NDUFAF6: variants seen among roughly 807,000 people sequenced by gnomAD.
NDUFAF6 encodes the protein NADH:ubiquinone oxidoreductase complex assembly factor 6.
A neutral mutation model predicts 40.8 loss-of-function variants in NDUFAF6; 45 were observed. The observed-to-expected ratio is 1.10, with a 90% CI of 0.87 to 1.42. The LOEUF is 1.42. Among genes scored for constraint, NDUFAF6 ranks in the 40% most tolerant of loss-of-function variants. The probability of loss-of-function intolerance (pLI) is 0.00; values close to 1 mark genes in which losing one functional copy is unlikely to be tolerated. For missense variants in NDUFAF6, 435 were observed against 418.5 expected (o/e 1.04, Z -0.34); for synonymous variants, 185 against 155.9 (o/e 1.19, Z -1.39).
chr8:95,009,200 TAA>T (rs530155825), intron 2 of NDUFAF6, among the ~76,000 whole-genome samples: 3 of 133,942 alleles, frequency 2.2e-5, no homozygotes, highest in African/African-American at 2.8e-5. Context: ...ACCCTATCTC[TAA>T]AAAAAAAAAA....
downstream of NDUFAF6, among the ~76,000 whole-genome samples, chr8:95,079,624 A>G (rs76206162): frequency 0.018 from 2,749 of 152,332 alleles, 82 homozygotes; most frequent in African/African-American, 0.063. Context: ...AAATTTATTG[A>G]CAACAATTAA....
intron 1 of NDUFAF6, among the ~76,000 whole-genome samples, chr8:94,973,855 T>TAA (rs754972680): frequency 7.2e-5 from 9 of 125,342 alleles, no homozygotes; most frequent in African/African-American, 1.2e-4. Context: ...CCCCTGTCTC[T>TAA]AAAAAAAAAA....
At chr8:95,111,780 T>G (rs1810005331) in intron 4 of NDUFAF6, among the ~76,000 whole-genome samples, 1 of 152,298 alleles carries the variant, frequency 6.6e-6, no homozygotes, top group South Asian at 2.1e-4. Context: ...GAGGATTAAC[T>G]GAGAAAGACC....
chr8:94,977,885 A>G (rs970044334), intron 1 of NDUFAF6, among the ~76,000 whole-genome samples: 2 of 152,130 alleles, frequency 1.3e-5, no homozygotes, highest in African/African-American at 4.8e-5. Context: ...CTGTGACATT[A>G]TGATATAATA....
At chr8:94,916,302 T>C (rs368783542) in intron 1 of NDUFAF6, among the ~76,000 whole-genome samples, 1 of 152,168 alleles carries the variant, frequency 6.6e-6, no homozygotes, top group Non-Finnish European at 1.5e-5. Context: ...CCTTGTCCCA[T>C]GGGATTAGTG....
At chr8:94,940,706 C>G (rs1008635321) in intron 1 of NDUFAF6, 1 of 675,126 alleles carries the variant, frequency 1.5e-6, no homozygotes, top group Non-Finnish European at 2.5e-6. Flanking sequence ...TTTTTAAAGA[C>G]AAACTCCTGC....
chr8:94,996,647 T>C (rs1340742936), intron 2 of NDUFAF6, among the ~76,000 whole-genome samples: 3 of 152,182 alleles, frequency 2.0e-5, no homozygotes, highest in Non-Finnish European at 4.4e-5. Context: ...TTGGGTTGAA[T>C]TGTGCCCCCA....
At chr8:95,094,646 C>T (rs1349434344) in intron 2 of NDUFAF6, among the ~76,000 whole-genome samples, 2 of 151,560 alleles carry the variant, frequency 1.3e-5, no homozygotes, top group African/African-American at 2.4e-5. Flanking sequence ...AACTCCTGAC[C>T]GCAGGTGATC....
intron 2 of NDUFAF6, among the ~76,000 whole-genome samples, chr8:94,981,754 C>T (rs1300286684): frequency 6.6e-6 from 1 of 152,094 alleles, no homozygotes; most frequent in African/African-American, 2.4e-5. Flanking sequence ...CATGAGAGAG[C>T]TGATATTCTG....
At chr8:95,017,040 C>G (rs764224855) in intron 2 of NDUFAF6, among the ~76,000 whole-genome samples, 88 of 147,406 alleles carry the variant, frequency 6.0e-4, no homozygotes, top group Non-Finnish European at 1.1e-3. Flanking sequence ...TCAAGTGATT[C>G]TGTTGCCTCA....
downstream of NDUFAF6, among the ~76,000 whole-genome samples, chr8:95,078,087 A>T (rs748649500): frequency 3.9e-5 from 6 of 152,150 alleles, no homozygotes; most frequent in Non-Finnish European, 7.3e-5. Flanking sequence ...AGAAGAGGCT[A>T]AACAGTGAGC....
At chr8:95,011,688 A>C (rs569314702) in intron 2 of NDUFAF6, among the ~76,000 whole-genome samples, 2 of 152,282 alleles carry the variant, frequency 1.3e-5, no homozygotes, top group South Asian at 4.1e-4. Context: ...ATAGAAGCTA[A>C]AGAGTTACTT....
chr8:94,919,781 C>A (rs1288264334), intron 1 of NDUFAF6, among the ~76,000 whole-genome samples: 1 of 152,170 alleles, frequency 6.6e-6, no homozygotes, highest in Non-Finnish European at 1.5e-5. Flanking sequence ...TCAATGCTGA[C>A]CTGAAAGTCA....
At chr8:95,051,384 A>C (rs999521175) in intron 7 of NDUFAF6, among the ~76,000 whole-genome samples, 1 of 152,226 alleles carries the variant, frequency 6.6e-6, no homozygotes, top group Admixed American at 6.5e-5. Flanking sequence ...GAGATTGAAG[A>C]GAAAAGATAG....
chr8:94,896,336 G>C (rs1817567896), intron 1 of NDUFAF6: 1 of 146,778 alleles, frequency 6.8e-6, no homozygotes, highest in African/African-American at 2.5e-5. Flanking sequence ...GGCGCCGTTC[G>C]CGCCCGAGCG....
intron 1 of NDUFAF6, among the ~76,000 whole-genome samples, chr8:94,945,116 C>G (rs1439899671): frequency 6.6e-6 from 1 of 152,156 alleles, no homozygotes; most frequent in Non-Finnish European, 1.5e-5. Flanking sequence ...TCCAGTTAAA[C>G]TTAAAAGCTG....
At chr8:94,973,666 C>T (rs969892561) in intron 1 of NDUFAF6, among the ~76,000 whole-genome samples, 3 of 149,794 alleles carry the variant, frequency 2.0e-5, no homozygotes, top group Non-Finnish European at 3.0e-5. Context: ...TAAGATCGCA[C>T]CACTGCACTC....
chr8:95,093,997 G>A (rs987324280), intron 2 of NDUFAF6, among the ~76,000 whole-genome samples: 4 of 151,968 alleles, frequency 2.6e-5, no homozygotes, highest in South Asian at 2.1e-4. Flanking sequence ...TTGAGACAGC[G>A]TCTCACTCTG....
At chr8:95,069,858 A>C (rs1202299712) in intron 9 of NDUFAF6, among the ~76,000 whole-genome samples, 2 of 148,524 alleles carry the variant, frequency 1.3e-5, no homozygotes, top group Non-Finnish European at 3.0e-5. Context: ...TTTTTTCCAA[A>C]GATCTTAATT....
Sources: gnomAD v4.1 joint callset for allele counts (sites outside exome capture counted in the v4.1 genomes callset) on GRCh38, gnomAD v4.1.1 for gene constraint, MANE v1.5 for transcripts, NCBI Gene and HGNC (gene_info 2026-07-23, HGNC 2026-07-21) for gene names.